Variants in TCF21 observed in about 807,000 individuals in gnomAD.
The protein encoded by TCF21 is transcription factor 21, also known as capsulin.
A neutral mutation model predicts 13.5 loss-of-function variants in TCF21; 3 were observed. The observed-to-expected ratio is 0.22, with a 90% CI of 0.10 to 0.57. The LOEUF (loss-of-function observed/expected upper bound fraction) is 0.57. Among genes scored for constraint, TCF21 ranks in the 20% least tolerant of loss-of-function variants. TCF21 has a pLI of 0.92. For synonymous variants in TCF21, 92 were observed against 101.7 expected (o/e 0.90, Z 0.57); for missense variants, 181 against 238.4 (o/e 0.76, Z 1.59).
intron 1 of TCF21, among the ~76,000 whole-genome samples, chr6:133,890,347 A>G (rs1775190913): frequency 1.3e-5 from 2 of 152,200 alleles, no homozygotes; most frequent in South Asian, 4.1e-4. Flanking sequence ...ATAAGGACAC[A>G]TCTATGCCCC....
Position 133,889,430 on chromosome 6 carries a change from C to A in TCF21, c.33C>A (p.Asp11Glu), listed in dbSNP as rs749150716. The change falls in exon 1 of 2, where the codon GAC (aspartate) becomes GAA (glutamate). Residue 11 changes from aspartate (D) to glutamate (E), a missense_variant. This residue lies in a region of TCF21 where 91 missense variants were observed against 98.5 expected (regional missense o/e 0.92). Transcript: ENST00000367882. The surrounding 1 kb of genome is among the most constrained non-coding windows in gnomAD (Gnocchi z 5.1). MSTGSLSDVE[D>E]LQEVEMLECD... The stretch of plus-strand genomic sequence containing the variant: ...CCGGCTCCCTCAGCGATGTGGAGGA[C>A]CTTCAAGAGGTGGAGATGTTGGAAT... 6.2e-7 allele frequency: 1 copy of A among 1,614,078 alleles called. No individual in the cohort carries two copies. Among genetic ancestry groups the A allele is most frequent in the Non-Finnish European group, 8.5e-7 (1 of 1,180,008 alleles).
chr6:133,895,012 G>GCTCTCTCTCTCT (rs141939054), downstream of TCF21: 2 of 145,402 alleles, frequency 1.4e-5, no homozygotes, highest in African/African-American at 5.1e-5. Flanking sequence ...CCTCTCTCTC[G>GCTCTCTCTCTCT]CTCTCTCTCT....
intron 1 of TCF21, among the ~76,000 whole-genome samples, chr6:133,890,318 G>A (rs924138408): frequency 1.3e-5 from 2 of 152,130 alleles, no homozygotes; most frequent in Non-Finnish European, 2.9e-5. Flanking sequence ...TCTTTCACAA[G>A]CATATTTAGG....
rs1243221906 is a variant in TCF21 at position 133,889,512 on chromosome 6, G to A, written c.115G>A (p.Glu39Lys). 1.9e-6 allele frequency: 3 copies of A among 1,614,080 alleles called. No homozygotes were observed. The highest frequency in any genetic ancestry group is 2.5e-6 in the Non-Finnish European group (3 of 1,179,990). Residue 39 changes from glutamate to lysine, a missense_variant, in exon 1 of 2, where the codon GAG (glutamate) becomes AAG (lysine). Physicochemically the swap from Glu to Lys is moderately conservative, Grantham distance 56. This residue lies in a region of TCF21 where 91 missense variants were observed against 98.5 expected (regional missense o/e 0.92). Coordinates refer to ENST00000367882, the MANE Select transcript of TCF21 (RefSeq NM_003206.4). The surrounding 1 kb of genome is among the most constrained non-coding windows in gnomAD (Gnocchi z 5.1). ...KEFVTSNEST[E>K]ESSNCENGSP... ...ATTTGTGACTTCCAACGAGAGCACC[G>A]AGGAGAGCTCCAACTGCGAGAATGG...
At position 133,889,433 on chromosome 6, in the gene TCF21, T is replaced by C; in HGVS notation, c.36T>C (p.Leu12=). 1 of 1,613,758 alleles carries C rather than the reference T, an allele frequency of 6.2e-7. No individual in the cohort carries two copies. The highest frequency in any genetic ancestry group is 8.5e-7 in the Non-Finnish European group (1 of 1,179,954). ...STGSLSDVED[L]QEVEMLECDG... is the part of the protein sequence containing the mutation. ...GCTCCCTCAGCGATGTGGAGGACCT[T>C]CAAGAGGTGGAGATGTTGGAATGTG... Residue 12 remains leucine (L), a synonymous_variant, in exon 1 of 2, where the codon CTT becomes CTC. Transcript: ENST00000367882. The surrounding 1 kb of genome is among the most constrained non-coding windows in gnomAD (Gnocchi z 5.1).
At chr6:133,893,959 GATA>G (rs1254902753), downstream of TCF21, 3 of 152,182 alleles carry the variant, frequency 2.0e-5, no homozygotes, top group Admixed American at 6.5e-5. Context: ...TAATGAGAAT[GATA>G]ATAATCATTA....
chr6:133,891,014 T>C (rs751595354), intron 1 of TCF21, among the ~76,000 whole-genome samples: 1 of 152,234 alleles, frequency 6.6e-6, no homozygotes, highest in Non-Finnish European at 1.5e-5. Flanking sequence ...CATCTTTGAA[T>C]AAGAAACTTA....
Position 133,889,942 on chromosome 6 carries a change from G to C in TCF21, c.450+95G>C. The stretch of plus-strand genomic sequence containing the variant: ...CGCGCGGGGCTGGGAGTGGGGGTGT[G>C]GGCGCGGCGGTGACTTACACATCTC... On this transcript the variant is annotated intron_variant, in intron 1 of 1. Coordinates refer to ENST00000367882, the MANE Select transcript of TCF21 (RefSeq NM_003206.4). The surrounding 1 kb of genome is among the most constrained non-coding windows in gnomAD (Gnocchi z 5.1). The C allele has an allele frequency of 7.1e-7, 1 of 1,417,510 alleles. No individual in the cohort carries two copies. Among genetic ancestry groups the C allele is most frequent in the South Asian group, 1.2e-5 (1 of 85,430 alleles). The allele number at this position is 1,417,510 out of a possible 1,614,324, so 87.8% of individuals were successfully genotyped here.
At chr6:133,892,679 T>G (rs1447745626), downstream of TCF21, 1 of 152,232 alleles carries the variant, frequency 6.6e-6, no homozygotes, top group Non-Finnish European at 1.5e-5. Flanking sequence ...ATAGAAGCTA[T>G]GAAAGATGTA....
chr6:133,890,166 G>C (rs1019436857), intron 1 of TCF21, among the ~76,000 whole-genome samples: 4 of 152,216 alleles, frequency 2.6e-5, no homozygotes, highest in Admixed American at 6.5e-5. Flanking sequence ...ATCCTCCCTG[G>C]GGTGCAGTGG....
chr6:133,892,705 A>AG (rs1178930333), downstream of TCF21: 2 of 152,224 alleles, frequency 1.3e-5, no homozygotes, highest in African/African-American at 2.4e-5. Flanking sequence ...CATAACCCTT[A>AG]GGGTGTGTTT....
chr6:133,891,743 G>A lies in TCF21; in HGVS notation c.481G>A (p.Glu161Lys). ...GCCCTTTATGGTGGCCGGGAAACCC[G>A]AGAGTGACCTGAAAGAAGTGGTGAC... ...TWPFMVAGKP[E>K]SDLKEVVTAS... The change falls in exon 2 of 2, where the codon GAG (glutamate) becomes AAG (lysine). Residue 161 changes from glutamate (E) to lysine (K), a missense_variant. This residue lies in a region of TCF21 where 55 missense variants were observed against 59.5 expected (regional missense o/e 0.92). Coordinates refer to ENST00000367882, the MANE Select transcript of TCF21 (RefSeq NM_003206.4). The A allele has an allele frequency of 1.9e-6, 3 of 1,581,788 alleles. No homozygotes were observed. The highest frequency in any genetic ancestry group is 2.6e-6 in the Non-Finnish European group (3 of 1,160,680).
downstream of TCF21, chr6:133,892,451 G>C (rs1401105534): frequency 6.6e-6 from 1 of 152,166 alleles, no homozygotes; most frequent in Admixed American, 6.5e-5. Context: ...AAATATATCG[G>C]TTACTTTTAA....
chr6:133,893,172 G>A (rs1775249333), downstream of TCF21: 4 of 152,212 alleles, frequency 2.6e-5, no homozygotes, highest in South Asian at 8.3e-4. Flanking sequence ...CCTGGAGCGA[G>A]AGCTTCTCCG....
intron 1 of TCF21, among the ~76,000 whole-genome samples, chr6:133,891,295 C>T (rs1380830744): frequency 6.6e-6 from 1 of 152,250 alleles, no homozygotes. Context: ...CAGGAGGGCG[C>T]TTCGCCCCGA....
rs1046455217 is a variant in TCF21, at chr6:133,889,165, G to A, written c.-233G>A. 6 of 583,422 alleles carry A rather than the reference G, an allele frequency of 1.0e-5. No homozygotes were observed. The highest frequency in any genetic ancestry group is 8.9e-5 in the Admixed American group (3 of 33,574). The allele number at this position is 583,422 out of a possible 1,614,324, so 36.1% of individuals were successfully genotyped here. On this transcript the variant is annotated 5_prime_UTR_variant, in exon 1 of 2. Coordinates refer to ENST00000367882, the MANE Select transcript of TCF21 (RefSeq NM_003206.4). This position sits in a 1 kb window ranked among gnomAD's most constrained non-coding sequence, Gnocchi z 5.1. Reference sequence around the variant, plus strand: ...ACGACTCTGGGAGTGGGGAAACAGAGAGCCGGTTCCTCTGCTGCAGAAGTC... The same window carrying A: ...ACGACTCTGGGAGTGGGGAAACAGAAAGCCGGTTCCTCTGCTGCAGAAGTC...
chr6:133,891,199 G>A (rs1775210918), intron 1 of TCF21, among the ~76,000 whole-genome samples: 1 of 152,176 alleles, frequency 6.6e-6, no homozygotes, highest in South Asian at 2.1e-4. Flanking sequence ...TGGAAGAAAC[G>A]AAAGTCGGAC....
At chr6:133,892,710 G>A (rs1175685647), downstream of TCF21, 3 of 152,254 alleles carry the variant, frequency 2.0e-5, no homozygotes, top group African/African-American at 7.2e-5. Flanking sequence ...CCCTTAGGGT[G>A]TGTTTCAGGA....
At chr6:133,894,688 G>A (rs1775274370), downstream of TCF21, 1 of 152,642 alleles carries the variant, frequency 6.6e-6, no homozygotes, top group Non-Finnish European at 1.5e-5. Flanking sequence ...CCCTGCTCCA[G>A]CTTCAGCCCA....
Sources: gnomAD v4.1 joint callset for allele counts (sites outside exome capture counted in the v4.1 genomes callset) on GRCh38, gnomAD v4.1.1 for gene constraint, gnomAD v4.1.1 regional missense constraint, Gnocchi (gnomAD v3.1) non-coding constraint, MANE v1.5 for transcripts, NCBI Gene and HGNC (gene_info 2026-07-23, HGNC 2026-07-21) for gene names.